CCNQ: variants seen among roughly 807,000 people sequenced by gnomAD.
CCNQ encodes cyclin-Q.
CCNQ carries 3 observed loss-of-function variants against 17.7 expected under a neutral mutation model. The observed-to-expected ratio is 0.17, with a 90% confidence interval of 0.08 to 0.44. The LOEUF (loss-of-function observed/expected upper bound fraction) is 0.44, where lower values mean the gene tolerates loss of function less well. Ranked by LOEUF, CCNQ falls within the 20% of genes least tolerant of loss-of-function variation. The pLI, the probability that CCNQ is intolerant of heterozygous loss-of-function variation, is 0.99. For missense variants in CCNQ, 146 were observed against 222.6 expected, an observed-to-expected ratio of 0.66 and a Z score of 2.19; for synonymous variants, 73 against 96.0, an observed-to-expected ratio of 0.76 and a Z score of 1.40.
chrX:153,591,603 C>T (rs1290078227), intron 4 of CCNQ, among the ~76,000 whole-genome samples: 1 of 111,395 alleles, frequency 9.0e-6, no homozygotes, highest in Non-Finnish European at 1.9e-5. Context: ...GGTGTTTGCC[C>T]CCCCCAGAGT....
At chrX:153,595,499 C>A (rs1047335890) in intron 2 of CCNQ, among the ~76,000 whole-genome samples, 1 of 113,527 alleles carries the variant, frequency 8.8e-6, no homozygotes, top group Non-Finnish European at 1.9e-5. Flanking sequence ...TTTCCCAGAC[C>A]GTCTTTCCCT....
At chrX:153,597,305 C>T (rs2091034820) in intron 1 of CCNQ, 1 of 112,532 alleles carries the variant, frequency 8.9e-6, no homozygotes, top group Non-Finnish European at 1.9e-5. Context: ...AAACAACACA[C>T]ATTTATACTC....
Position 153,592,582 on chromosome X carries a change from G to A in CCNQ, c.581C>T (p.Ala194Val), listed in dbSNP as rs1427113628. The A allele has an allele frequency of 2.5e-5, 30 of 1,210,737 alleles. No individual in the cohort carries two copies. Among genetic ancestry groups the A allele is most frequent in the African/African-American group, 3.5e-5 (2 of 57,591 alleles). ...GACCTGCAGGGCCAGGTAGAGCACC[G>A]CCACGGCGATGTGCTGGGCCTGGAA... ...LRFQAQHIAV[A>V]VLYLALQVYG... is the part of the protein sequence containing the mutation. The change falls in exon 4 of 5, where the codon GCG becomes GTG. Residue 194 changes from alanine to valine, a missense_variant. Coordinates refer to ENST00000576892, the MANE Select transcript of CCNQ (RefSeq NM_152274.5).
Position 153,592,764 on chromosome X carries a change from C to T in CCNQ, c.430-31G>A, listed in dbSNP as rs375480435. ...AAGACACGTGTGTCAGCCTTTAGGC[C>T]CACCAGCTGCTCTCCTCATGCTGAC... On this transcript the variant is annotated intron_variant, in intron 3 of 4. Transcript: ENST00000576892. The T allele has an allele frequency of 4.2e-5, 47 of 1,131,927 alleles. No individual in the cohort carries two copies. The African/African-American group carries it at 5.5e-4, about 13-fold the overall frequency. 93.3% of individuals were successfully genotyped at this position (1,131,927 alleles called of 1,213,427 possible).
intron 4 of CCNQ, among the ~76,000 whole-genome samples, chrX:153,591,173 T>C (rs908180930): frequency 5.4e-5 from 6 of 111,572 alleles, no homozygotes; most frequent in Non-Finnish European, 9.4e-5. Flanking sequence ...ATCTCACTCA[T>C]CATGGGGGAT....
intron 1 of CCNQ, among the ~76,000 whole-genome samples, chrX:153,596,519 C>T: frequency 8.9e-6 from 1 of 112,673 alleles, no homozygotes; most frequent in South Asian, 3.6e-4. Context: ...GAGGACCGCT[C>T]AGTTAGCAAC....
intron 4 of CCNQ, among the ~76,000 whole-genome samples, chrX:153,588,867 G>A (rs923719734): frequency 9.8e-5 from 11 of 112,777 alleles, no homozygotes; most frequent in African/African-American, 2.6e-4. Flanking sequence ...CGGACCCCAC[G>A]CCTACCCTAA....
At chrX:153,596,928 G>C (rs1485442552) in intron 1 of CCNQ, among the ~76,000 whole-genome samples, 1 of 112,190 alleles carries the variant, frequency 8.9e-6, no homozygotes, top group Non-Finnish European at 1.9e-5. Context: ...CCAGGAATTC[G>C]AGACCAGCCT....
At chrX:153,597,654 C>T (rs1413321407) in intron 1 of CCNQ, 3 of 112,240 alleles carry the variant, frequency 2.7e-5, no homozygotes, top group East Asian at 2.8e-4. Context: ...ATGACATTCA[C>T]AGGTTCCAGG....
At chrX:153,593,362 T>G (rs1470296458) in intron 3 of CCNQ, among the ~76,000 whole-genome samples, 3 of 112,092 alleles carry the variant, frequency 2.7e-5, no homozygotes, top group Non-Finnish European at 5.7e-5. Flanking sequence ...CAGCCCTGAC[T>G]GGAAGGAGGG....
Position 153,595,886 on chromosome X carries a change from T to C in CCNQ, c.296+118A>G, listed in dbSNP as rs1453021659. The stretch of plus-strand genomic sequence containing the variant: ...TCTGGCCCTGCCTGGTTCAAGGCCA[T>C]CCAGGTACTTCCTTCCAAGCTCCAT... On this transcript the variant is annotated intron_variant, in intron 2 of 4. Transcript: ENST00000576892. 30 of 867,750 alleles carry C rather than the reference T, an allele frequency of 3.5e-5. No homozygotes were observed. In the Admixed American group the frequency reaches 4.9e-4, roughly 14 times the overall value. 71.5% of individuals were successfully genotyped at this position (867,750 alleles called of 1,213,427 possible).
intron 2 of CCNQ, among the ~76,000 whole-genome samples, chrX:153,595,702 G>GGT (rs1557026853): frequency 3.6e-5 from 4 of 112,307 alleles, no homozygotes; most frequent in African/African-American, 1.3e-4. Context: ...GACTTCCACA[G>GGT]AATCTTCTTT....
rs1231276938 is a variant in CCNQ, at chrX:153,588,164, G to C, written c.*201C>G. On this transcript the variant is annotated 3_prime_UTR_variant, in exon 5 of 5. Coordinates refer to ENST00000576892, the MANE Select transcript of CCNQ (RefSeq NM_152274.5). ...TCCCGGCCTGCCCGCTGGAGGCGCGGCTCCCACCATCACCTGCACCGCGAC... is the reference window on the plus strand; with the variant it reads ...TCCCGGCCTGCCCGCTGGAGGCGCGCCTCCCACCATCACCTGCACCGCGAC... 5.7e-6 allele frequency: 3 copies of C among 526,343 alleles called. No individual in the cohort carries two copies. The highest frequency in any genetic ancestry group is 7.0e-6 in the Non-Finnish European group (2 of 287,257). The allele number at this position is 526,343 out of a possible 1,213,427, so 43.4% of individuals were successfully genotyped here. A position where few individuals can be genotyped will look rare whatever the true frequency, so the allele number is the denominator to read the frequency against.
chrX:153,588,673 G>C (rs1557025117), intron 4 of CCNQ, among the ~76,000 whole-genome samples: 2 of 112,578 alleles, frequency 1.8e-5, no homozygotes, highest in Non-Finnish European at 3.8e-5. Flanking sequence ...ACAGGCCTTG[G>C]TGATCTTCTG....
At chrX:153,589,041 G>T (rs1296198157) in intron 4 of CCNQ, among the ~76,000 whole-genome samples, 2 of 113,133 alleles carry the variant, frequency 1.8e-5, no homozygotes, top group Admixed American at 1.8e-4. Flanking sequence ...CCAAAGGCAG[G>T]TCTGGCCTCT....
At position 153,599,081 on chromosome X, in the gene CCNQ, C is replaced by A; in HGVS notation, c.-8G>T. The A allele has an allele frequency of 1.0e-6, 1 of 974,499 alleles. No homozygotes were observed. The highest frequency in any genetic ancestry group is 1.3e-6 in the Non-Finnish European group (1 of 760,980). 80.3% of individuals were successfully genotyped at this position (974,499 alleles called of 1,213,427 possible). A position where few individuals can be genotyped will look rare whatever the true frequency, so the allele number is the denominator to read the frequency against. On this transcript the variant is annotated 5_prime_UTR_variant, in exon 1 of 5. Transcript: ENST00000576892. Reference sequence around the variant, plus strand: ...GCCCTCCGGGGCTTCCATGAGGCGCCGCGGCACCGGCGGAAGGAGAGGCGG... The same window carrying A: ...GCCCTCCGGGGCTTCCATGAGGCGCAGCGGCACCGGCGGAAGGAGAGGCGG...
chrX:153,593,933 ATC>A (rs1270494366), intron 3 of CCNQ, among the ~76,000 whole-genome samples: 1 of 112,604 alleles, frequency 8.9e-6, no homozygotes, highest in African/African-American at 3.2e-5. Context: ...CAACTCCTCC[ATC>A]TCTGTCTCCG....
At chrX:153,595,008 G>A (rs1445879518) in intron 2 of CCNQ, among the ~76,000 whole-genome samples, 3 of 112,997 alleles carry the variant, frequency 2.7e-5, no homozygotes, top group Non-Finnish European at 5.6e-5. Flanking sequence ...ATGCCAAGTC[G>A]GTTGTGCTTC....
At chrX:153,592,362 G>T in intron 4 of CCNQ, 144 bp downstream of exon 4, 2 of 602,609 alleles carry the variant, frequency 3.3e-6, no homozygotes, top group Non-Finnish European at 5.2e-6. Context: ...CCAGGCCATC[G>T]CAACAGGGTA....
Sources: allele counts gnomAD v4.1 joint callset (sites outside exome capture counted in the v4.1 genomes callset), GRCh38; gene constraint gnomAD v4.1.1; transcripts MANE v1.5; gene names NCBI Gene and HGNC (gene_info 2026-07-23, HGNC 2026-07-21).